Variants in TEX9 observed in about 807,000 individuals in gnomAD.
The protein encoded by TEX9 is testis-expressed protein 9.
A neutral mutation model predicts 59.6 loss-of-function variants in TEX9; 74 were observed. That is an observed-to-expected ratio of 1.24 (90% CI 1.03 to 1.51). The LOEUF (loss-of-function observed/expected upper bound fraction) is 1.51, where lower values mean the gene tolerates loss of function less well. TEX9 is among the 40% of genes most tolerant of loss of function. The pLI is 0.00. For synonymous variants in TEX9, 186 were observed against 152.2 expected, an observed-to-expected ratio of 1.22 and a Z score of -1.64; for missense variants, 522 against 447.8, an observed-to-expected ratio of 1.17 and a Z score of -1.49.
At chr15:56,285,007 CTATAT>C (rs1211221417) in intron 1 of TEX9, among the ~76,000 whole-genome samples, 2 of 152,042 alleles carry the variant, frequency 1.3e-5, no homozygotes, top group African/African-American at 4.8e-5. Flanking sequence ...TATATTAATT[CTATAT>C]TATAACTTTA....
chr15:56,392,345 G>A (rs569541480), intron 7 of TEX9, among the ~76,000 whole-genome samples: 1 of 152,110 alleles, frequency 6.6e-6, no homozygotes, highest in African/African-American at 2.4e-5. Flanking sequence ...AGGCAAACAG[G>A]GAGTGAGGCA....
At chr15:56,427,623 C>G in exon 11 of TEX9, 1 of 1,529,702 alleles carries the variant, frequency 6.5e-7, no homozygotes. Flanking sequence ...AAATGAAGAA[C>G]ACAAAAAAAT....
chr15:56,316,682 T>C (rs1156387409), intron 1 of TEX9, among the ~76,000 whole-genome samples: 2 of 152,164 alleles, frequency 1.3e-5, no homozygotes, highest in Non-Finnish European at 2.9e-5. Flanking sequence ...CTCCACCCAG[T>C]TGGAGCTTCC....
At chr15:56,333,739 T>A (rs2725861) in intron 1 of TEX9, among the ~76,000 whole-genome samples, 85,771 of 151,936 alleles carry the variant, frequency 0.56, 24,468 homozygotes, top group Non-Finnish European at 0.6. Context: ...CAAATTATCC[T>A]TGTTTGCAGA....
At chr15:56,422,750 A>G (rs1197311043) in intron 10 of TEX9, among the ~76,000 whole-genome samples, 4 of 152,138 alleles carry the variant, frequency 2.6e-5, no homozygotes, top group Non-Finnish European at 4.4e-5. Context: ...CAACCTATCC[A>G]TGAACTCTTT....
intron 1 of TEX9, among the ~76,000 whole-genome samples, chr15:56,271,292 C>G (rs1270214128): frequency 6.6e-6 from 1 of 152,164 alleles, no homozygotes; most frequent in African/African-American, 2.4e-5. Context: ...TAGATTTGAT[C>G]TTTTCACATA....
chr15:56,327,056 AAAT>A (rs1464305837), intron 1 of TEX9, among the ~76,000 whole-genome samples: 1 of 152,212 alleles, frequency 6.6e-6, no homozygotes, highest in Non-Finnish European at 1.5e-5. Flanking sequence ...ATCATTATCA[AAAT>A]AATGATTAAC....
At chr15:56,370,891 T>C (rs2047162415) in intron 2 of TEX9, among the ~76,000 whole-genome samples, 1 of 152,360 alleles carries the variant, frequency 6.6e-6, no homozygotes, top group South Asian at 2.1e-4. Context: ...AGCCTTGCTC[T>C]GTTGCCCAGG....
At chr15:56,444,381 A>T in intron 12 of TEX9, 1 of 1,425,378 alleles carries the variant, frequency 7.0e-7, no homozygotes, top group Non-Finnish European at 9.5e-7. Context: ...AGTTCCTCAC[A>T]ACAAACCTGT....
At chr15:56,396,264 A>G (rs2048463828) in intron 9 of TEX9, 1 of 152,190 alleles carries the variant, frequency 6.6e-6, no homozygotes, top group Non-Finnish European at 1.5e-5. Context: ...GTCTTGTATA[A>G]TTAGCTTTAT....
intron 1 of TEX9, among the ~76,000 whole-genome samples, chr15:56,353,632 A>C (rs979377319): frequency 6.6e-6 from 1 of 152,226 alleles, no homozygotes; most frequent in Non-Finnish European, 1.5e-5. Context: ...TCTAACAAAA[A>C]GTGAAAACAA....
chr15:56,348,267 G>A (rs1367071515), intron 1 of TEX9, among the ~76,000 whole-genome samples: 1 of 152,034 alleles, frequency 6.6e-6, no homozygotes. Context: ...TTATGTCATG[G>A]AAATTTTGTG....
intron 1 of TEX9, among the ~76,000 whole-genome samples, chr15:56,323,950 G>C (rs2045962089): frequency 6.6e-6 from 1 of 151,998 alleles, no homozygotes; most frequent in Non-Finnish European, 1.5e-5. Flanking sequence ...TTTTTGTATA[G>C]TTAACACACT....
chr15:56,257,625 CA>C (rs1185432624), intron 1 of TEX9, among the ~76,000 whole-genome samples: 1 of 152,026 alleles, frequency 6.6e-6, no homozygotes, highest in African/African-American at 2.4e-5. Flanking sequence ...GTCCTTTGCC[CA>C]CTTTTTAATC....
chr15:56,354,451 G>T (rs1462835994), intron 1 of TEX9, among the ~76,000 whole-genome samples: 1 of 152,102 alleles, frequency 6.6e-6, no homozygotes, highest in East Asian at 1.9e-4. Context: ...GTAAAAAGGT[G>T]GGGGAAAGAC....
chr15:56,437,481 T>A (rs2050746905), intron 12 of TEX9, among the ~76,000 whole-genome samples: 1 of 152,174 alleles, frequency 6.6e-6, no homozygotes. Context: ...TAATAAGAGC[T>A]ATTTATGACA....
exon 9 of TEX9, chr15:56,394,755 T>A (rs576486868): frequency 6.2e-7 from 1 of 1,612,782 alleles, no homozygotes; most frequent in Admixed American, 1.7e-5. Flanking sequence ...CAGTCTCAAG[T>A]AGAAAAATAC....
chr15:56,328,318 C>T (rs2046069216), intron 1 of TEX9, among the ~76,000 whole-genome samples: 1 of 152,110 alleles, frequency 6.6e-6, no homozygotes, highest in South Asian at 2.1e-4. Flanking sequence ...CCCTTAGGCC[C>T]TGAATAACCA....
intron 1 of TEX9, among the ~76,000 whole-genome samples, chr15:56,302,018 A>G (rs1263946711): frequency 6.6e-6 from 1 of 152,202 alleles, no homozygotes; most frequent in African/African-American, 2.4e-5. Context: ...AGAAATAGAA[A>G]CAACAAAATT....
Sources: allele counts gnomAD v4.1 joint callset (sites outside exome capture counted in the v4.1 genomes callset), GRCh38; gene constraint gnomAD v4.1.1; transcripts MANE v1.5; gene names NCBI Gene and HGNC (gene_info 2026-07-23, HGNC 2026-07-21).